AGAP4: variants seen among roughly 807,000 people sequenced by gnomAD.
The protein encoded by AGAP4 is ArfGAP with GTPase domain, ankyrin repeat and PH domain 4, also known as arf-GAP with GTPase, ANK repeat and PH domain-containing protein 4.
AGAP4 carries 13 observed loss-of-function variants against 60.7 expected under a neutral mutation model. The ratio of observed to expected loss-of-function variants is 0.21; its 90% CI spans 0.14 to 0.34. The LOEUF is 0.34. Ranked by LOEUF, AGAP4 falls within the 10% of genes least tolerant of loss-of-function variation. AGAP4 has a pLI of 1.00. For missense variants in AGAP4, 169 were observed against 884.0 expected (o/e 0.19, Z 10.26); for synonymous variants, 70 against 339.0 (o/e 0.21, Z 8.72).
chr10:45,839,250 C>T (rs1428422304), intron 4 of AGAP4, among the ~76,000 whole-genome samples: 4 of 104,614 alleles, frequency 3.8e-5, no homozygotes, highest in East Asian at 7.2e-4. Flanking sequence ...GGAACAGAAG[C>T]GAGCCAGTTT....
upstream of AGAP4, chr10:45,847,605 C>A (rs1204603368): frequency 7.0e-7 from 1 of 1,420,026 alleles, no homozygotes; most frequent in African/African-American, 1.5e-5. Context: ...GACCAGCCGG[C>A]TTATTTAATA....
chr10:45,848,080 A>C, upstream of AGAP4: 1 of 991,320 alleles, frequency 1.0e-6, no homozygotes, highest in Non-Finnish European at 1.2e-6. Flanking sequence ...GACTAAATAT[A>C]GATACACCTG....
chr10:45,841,330 G>A (rs373085520), intron 4 of AGAP4, among the ~76,000 whole-genome samples: 1 of 148,874 alleles, frequency 6.7e-6, no homozygotes, highest in Non-Finnish European at 1.5e-5. Context: ...TCAAATTCCT[G>A]ACCTCAGATG....
intron 2 of AGAP4, among the ~76,000 whole-genome samples, chr10:45,846,279 A>G (rs2058998149): frequency 2.7e-5 from 4 of 150,884 alleles, no homozygotes; most frequent in African/African-American, 9.8e-5. Flanking sequence ...GACATTTCAC[A>G]CCTTTCACAA....
upstream of AGAP4, among the ~76,000 whole-genome samples, chr10:45,849,496 T>TTATTAC (rs1491323073): frequency 2.0e-5 from 3 of 150,938 alleles, no homozygotes; most frequent in Non-Finnish European, 4.4e-5. Flanking sequence ...ATTATTATTA[T>TTATTAC]TATTTTGAGA....
rs2058982803 is a variant in AGAP4 at position 45,845,439 on chromosome 10, T to C, written c.293-1045A>G. On this transcript the variant is annotated intron_variant, in intron 2 of 7. Transcript: ENST00000616763. ...ATGCAATGTTTTCTATTTTGAAAAT[T>C]TCAGTTTTTATTCAAGAACCATATT... Among the ~76,000 whole-genome samples the C allele has an allele frequency of 1.9e-5, 2 of 104,452 alleles. 1 individual carries two copies. Among genetic ancestry groups the C allele is most frequent in the East Asian group, 5.9e-4 (2 of 3,370 alleles). The allele number at this position is 104,452 out of a possible 152,430, so 68.5% of individuals were successfully genotyped here.
intron 3 of AGAP4, 125 bp from the exon 4 acceptor site, chr10:45,841,812 T>C (rs1465075368): frequency 8.8e-7 from 1 of 1,130,914 alleles, no homozygotes; most frequent in Non-Finnish European, 1.2e-6. Flanking sequence ...AAAAAAATTT[T>C]CAATAACATA....
intron 4 of AGAP4, among the ~76,000 whole-genome samples, chr10:45,838,816 A>T (rs1288818309): frequency 6.6e-6 from 1 of 151,624 alleles, no homozygotes; most frequent in Non-Finnish European, 1.5e-5. Flanking sequence ...TAATTAACTT[A>T]AATATTTCTA....
intron 6 of AGAP4, among the ~76,000 whole-genome samples, chr10:45,828,554 T>G (rs1286560835): frequency 4.0e-5 from 6 of 148,176 alleles, no homozygotes; most frequent in Non-Finnish European, 9.0e-5. Flanking sequence ...ACGCCAGTCT[T>G]TGATGAACTT....
At chr10:45,848,085 C>A (rs1325577053), upstream of AGAP4, 1 of 989,856 alleles carries the variant, frequency 1.0e-6, no homozygotes, top group African/African-American at 1.8e-5. Flanking sequence ...AATATAGATA[C>A]ACCTGAATTG....
At chr10:45,843,669 G>A (rs1285780811) in intron 3 of AGAP4, among the ~76,000 whole-genome samples, 1 of 134,384 alleles carries the variant, frequency 7.4e-6, no homozygotes, top group Non-Finnish European at 1.6e-5. Flanking sequence ...CCTCACTTGT[G>A]TTCTTGCTGT....
chr10:45,841,307 G>A (rs2135953659), intron 4 of AGAP4, among the ~76,000 whole-genome samples: 1 of 148,134 alleles, frequency 6.8e-6, no homozygotes, highest in East Asian at 2.0e-4. Flanking sequence ...TCACCATGTT[G>A]GTCAGGGTTG....
upstream of AGAP4, chr10:45,847,520 C>T (rs1430924679): frequency 1.4e-4 from 213 of 1,507,220 alleles, 2 homozygotes; most frequent in East Asian, 1.7e-4. Context: ...GCCCTGGCCC[C>T]GGCCCCGGCT....
upstream of AGAP4, among the ~76,000 whole-genome samples, chr10:45,849,897 C>A (rs1554900140): frequency 6.6e-6 from 1 of 151,168 alleles, no homozygotes; most frequent in Non-Finnish European, 1.5e-5. Context: ...CATGAGCCAC[C>A]GTGCCCAGCC....
At position 45,843,565 on chromosome 10, in the gene AGAP4, T is replaced by C. The variant is rs1420796732; in HGVS notation, c.361+761A>G. Among the ~76,000 whole-genome samples, 4 of 129,076 alleles carry C rather than the reference T, an allele frequency of 3.1e-5. 1 individual carries two copies. Among genetic ancestry groups the C allele is most frequent in the African/African-American group, 1.2e-4 (4 of 33,284 alleles). 84.7% of individuals were successfully genotyped at this position (129,076 alleles called of 152,430 possible). A position where few individuals can be genotyped will look rare whatever the true frequency, so the allele number is the denominator to read the frequency against. On this transcript the variant is annotated intron_variant, in intron 3 of 7. Coordinates refer to ENST00000616763, the MANE Select transcript of AGAP4 (RefSeq NM_001276343.3). The stretch of plus-strand genomic sequence containing the variant: ...CAAATTCTAACCAGAAATAACTGAC[T>C]CAAGATGGGCAAAGTCTACTCAAAC...
chr10:45,843,934 G>A (rs1422424853), intron 3 of AGAP4, among the ~76,000 whole-genome samples: 5 of 149,850 alleles, frequency 3.3e-5, no homozygotes, highest in Non-Finnish European at 7.4e-5. Context: ...TTTTTAATTT[G>A]TTTAAATGAA....
upstream of AGAP4, among the ~76,000 whole-genome samples, chr10:45,848,476 G>A (rs1398645424): frequency 3.4e-5 from 5 of 148,692 alleles, no homozygotes; most frequent in East Asian, 6.0e-4. Flanking sequence ...ATGAATACTC[G>A]ACATCTGGCA....
intron 2 of AGAP4, among the ~76,000 whole-genome samples, chr10:45,844,818 A>C (rs1320289868): frequency 1.4e-5 from 2 of 145,440 alleles, no homozygotes; most frequent in Non-Finnish European, 3.0e-5. Context: ...TAAAATTTTT[A>C]AAAAGTAAAT....
chr10:45,847,514 T>A (rs1202730778), upstream of AGAP4: 1 of 1,496,746 alleles, frequency 6.7e-7, no homozygotes, highest in African/African-American at 1.8e-5. Flanking sequence ...GCCCTGGCCC[T>A]GGCCCCGGCC....
Sources: allele counts gnomAD v4.1 joint callset (sites outside exome capture counted in the v4.1 genomes callset), GRCh38; gene constraint gnomAD v4.1.1; transcripts MANE v1.5; gene names NCBI Gene and HGNC (gene_info 2026-07-23, HGNC 2026-07-21).